ARHGAP15: variants seen among roughly 807,000 people sequenced by gnomAD.
ARHGAP15 encodes rho GTPase-activating protein 15.
In ARHGAP15, 51 loss-of-function variants were observed where a neutral mutation model predicts 63.7. The ratio of observed to expected loss-of-function variants is 0.80; its 90% confidence interval spans 0.64 to 1.01. The LOEUF is 1.01. Among genes scored for constraint, ARHGAP15 ranks in the 50% least tolerant of loss-of-function variants. The pLI, the probability that ARHGAP15 is intolerant of heterozygous loss-of-function variation, is 0.00. For synonymous variants in ARHGAP15, 191 were observed against 193.8 expected (o/e 0.99, Z 0.12); for missense variants, 560 against 564.6 (o/e 0.99, Z 0.08).
chr2:143,298,620 T>C (rs1057039337), intron 6 of ARHGAP15, among the ~76,000 whole-genome samples: 1 of 151,952 alleles, frequency 6.6e-6, no homozygotes, highest in South Asian at 2.1e-4. Flanking sequence ...CTTATTAATG[T>C]CAGTCTCATA....
At chr2:143,518,442 A>C (rs943944991) in intron 9 of ARHGAP15, among the ~76,000 whole-genome samples, 4 of 152,256 alleles carry the variant, frequency 2.6e-5, no homozygotes, top group Admixed American at 6.5e-5. Flanking sequence ...AAATCAAAGG[A>C]TGTTGCTCAA....
At chr2:143,301,254 A>G (rs1286841152) in intron 6 of ARHGAP15, among the ~76,000 whole-genome samples, 2 of 151,968 alleles carry the variant, frequency 1.3e-5, no homozygotes, top group Middle Eastern at 3.2e-3. Flanking sequence ...GAGCTGTTCA[A>G]TGTCTCTACA....
At chr2:143,328,748 A>G (rs1014775808) in intron 6 of ARHGAP15, among the ~76,000 whole-genome samples, 4 of 151,338 alleles carry the variant, frequency 2.6e-5, no homozygotes, top group African/African-American at 9.6e-5. Flanking sequence ...AAATAGGATG[A>G]ATAAAAACTA....
chr2:143,505,176 G>C (rs1425369904), intron 9 of ARHGAP15, among the ~76,000 whole-genome samples: 3 of 152,146 alleles, frequency 2.0e-5, no homozygotes, highest in African/African-American at 7.2e-5. Flanking sequence ...ACTAATATCA[G>C]CTCTTGCAAG....
At chr2:143,559,905 T>C (rs955456723) in intron 11 of ARHGAP15, among the ~76,000 whole-genome samples, 1 of 152,256 alleles carries the variant, frequency 6.6e-6, no homozygotes, top group African/African-American at 2.4e-5. Flanking sequence ...TGTATTAACA[T>C]ATTTTATTCC....
chr2:143,673,184 G>A (rs1252529593), intron 12 of ARHGAP15, among the ~76,000 whole-genome samples: 1 of 152,164 alleles, frequency 6.6e-6, no homozygotes, highest in Non-Finnish European at 1.5e-5. Flanking sequence ...TACAGCGTTT[G>A]AGATTACTTA....
intron 8 of ARHGAP15, among the ~76,000 whole-genome samples, chr2:143,447,795 G>A (rs939279477): frequency 2.6e-5 from 4 of 152,294 alleles, no homozygotes; most frequent in Admixed American, 1.3e-4. Flanking sequence ...ACAAGTGACC[G>A]AGAGCATGAG....
chr2:143,621,045 T>C (rs1176994959), intron 11 of ARHGAP15, among the ~76,000 whole-genome samples: 1 of 152,220 alleles, frequency 6.6e-6, no homozygotes, highest in Non-Finnish European at 1.5e-5. Context: ...GACTTCACTA[T>C]AGTGGCTCTC....
chr2:143,737,699 C>T (rs1685797003), intron 13 of ARHGAP15, among the ~76,000 whole-genome samples: 1 of 151,946 alleles, frequency 6.6e-6, no homozygotes, highest in Non-Finnish European at 1.5e-5. Flanking sequence ...TAATGGTAAT[C>T]TCATGAAAAC....
chr2:143,475,529 A>G (rs1172270458), intron 8 of ARHGAP15, among the ~76,000 whole-genome samples: 1 of 152,238 alleles, frequency 6.6e-6, no homozygotes, highest in East Asian at 1.9e-4. Context: ...CGGATATTCG[A>G]TGTCCTGAAA....
At chr2:143,181,369 G>T (rs550527428) in intron 2 of ARHGAP15, among the ~76,000 whole-genome samples, 3 of 152,246 alleles carry the variant, frequency 2.0e-5, no homozygotes, top group African/African-American at 7.2e-5. Context: ...GTCCTTTGAA[G>T]CTTTGAAACC....
At chr2:143,401,200 G>A (rs1687973916) in intron 6 of ARHGAP15, among the ~76,000 whole-genome samples, 1 of 151,976 alleles carries the variant, frequency 6.6e-6, no homozygotes, top group African/African-American at 2.4e-5. Flanking sequence ...TTTTGTCTTT[G>A]TTTTGTTTAG....
At chr2:143,271,102 C>T (rs1487247109) in intron 6 of ARHGAP15, among the ~76,000 whole-genome samples, 1 of 152,172 alleles carries the variant, frequency 6.6e-6, no homozygotes, top group Admixed American at 6.5e-5. Flanking sequence ...TTTCTCCTTT[C>T]CATTGTCAGC....
At chr2:143,155,123 G>A (rs1419418973) in intron 1 of ARHGAP15, among the ~76,000 whole-genome samples, 1 of 151,798 alleles carries the variant, frequency 6.6e-6, no homozygotes, top group Admixed American at 6.6e-5. Context: ...GTGAAGTTGT[G>A]GATTAAAAAG....
intron 12 of ARHGAP15, among the ~76,000 whole-genome samples, chr2:143,638,793 A>C (rs1680469168): frequency 6.6e-6 from 1 of 151,890 alleles, no homozygotes; most frequent in African/African-American, 2.4e-5. Flanking sequence ...AATACTATAA[A>C]CTATTAGACT....
chr2:143,278,178 TC>T (rs1681659607), intron 6 of ARHGAP15, among the ~76,000 whole-genome samples: 2 of 152,306 alleles, frequency 1.3e-5, no homozygotes, highest in East Asian at 3.9e-4. Flanking sequence ...TGTCCTGTCA[TC>T]CCGTGTCACC....
chr2:143,580,025 G>A (rs1012664278), intron 11 of ARHGAP15, among the ~76,000 whole-genome samples: 2 of 146,722 alleles, frequency 1.4e-5, no homozygotes, highest in Non-Finnish European at 3.0e-5. Context: ...AGAACACTGA[G>A]AGCTGAAGAA....
chr2:143,699,959 A>T (rs1559133108), intron 12 of ARHGAP15, among the ~76,000 whole-genome samples: 1 of 152,336 alleles, frequency 6.6e-6, no homozygotes, highest in Admixed American at 6.5e-5. Context: ...CTGTTACAGA[A>T]TTCAAACCAA....
At chr2:143,335,087 A>G (rs1225010584) in intron 6 of ARHGAP15, among the ~76,000 whole-genome samples, 2 of 152,176 alleles carry the variant, frequency 1.3e-5, no homozygotes, top group Non-Finnish European at 2.9e-5. Flanking sequence ...TGACTGGAGA[A>G]TTTCTCAGGG....
Sources: allele counts gnomAD v4.1 joint callset (sites outside exome capture counted in the v4.1 genomes callset), GRCh38; gene constraint gnomAD v4.1.1; transcripts MANE v1.5; gene names NCBI Gene and HGNC (gene_info 2026-07-23, HGNC 2026-07-21).